CNTNAP2: variants seen among roughly 807,000 people sequenced by gnomAD.
The protein encoded by CNTNAP2 is contactin-associated protein-like 2.
A neutral mutation model predicts 155.2 loss-of-function variants in CNTNAP2; 98 were observed. That is an observed-to-expected ratio of 0.63 (90% CI 0.54 to 0.75). The LOEUF is 0.75. CNTNAP2 is among the 30% of genes least tolerant of loss of function. CNTNAP2 has a pLI of 0.00. For synonymous variants in CNTNAP2, 651 were observed against 631.2 expected, an observed-to-expected ratio of 1.03 and a Z score of -0.47; for missense variants, 1,727 against 1,688.1, an observed-to-expected ratio of 1.02 and a Z score of -0.40.
intron 20 of CNTNAP2, among the ~76,000 whole-genome samples, chr7:148,252,429 C>T (rs187341871): frequency 4.2e-4 from 64 of 152,204 alleles, no homozygotes; most frequent in African/African-American, 1.3e-3. Flanking sequence ...CTGGGATTTC[C>T]AAGGGTTCTT....
intron 11 of CNTNAP2, among the ~76,000 whole-genome samples, chr7:147,558,277 T>C (rs1458286269): frequency 6.6e-6 from 1 of 152,204 alleles, no homozygotes; most frequent in Non-Finnish European, 1.5e-5. Context: ...ATATTTCCAG[T>C]GAAGTGAGGT....
At chr7:146,885,688 C>T (rs1348033730) in intron 3 of CNTNAP2, among the ~76,000 whole-genome samples, 1 of 152,076 alleles carries the variant, frequency 6.6e-6, no homozygotes, top group Non-Finnish European at 1.5e-5. Flanking sequence ...ATTAGTTGGA[C>T]ATGGATTGAA....
chr7:147,178,915 G>T (rs2116495150), intron 8 of CNTNAP2, among the ~76,000 whole-genome samples: 1 of 152,198 alleles, frequency 6.6e-6, no homozygotes, highest in East Asian at 1.9e-4. Flanking sequence ...GTTCATTGTG[G>T]AAAGATGACT....
chr7:147,425,397 A>G (rs1027369032), intron 10 of CNTNAP2, among the ~76,000 whole-genome samples: 42 of 152,122 alleles, frequency 2.8e-4, no homozygotes, highest in African/African-American at 9.7e-4. Flanking sequence ...TGGTAAAGAA[A>G]GACTGCTCCT....
chr7:148,240,616 A>T (rs970920494), intron 20 of CNTNAP2, among the ~76,000 whole-genome samples: 3 of 152,186 alleles, frequency 2.0e-5, no homozygotes, highest in Non-Finnish European at 2.9e-5. Flanking sequence ...GCAGGACAGA[A>T]CTAATAGGAT....
At chr7:147,628,790 A>G (rs976912589) in intron 12 of CNTNAP2, among the ~76,000 whole-genome samples, 1 of 151,726 alleles carries the variant, frequency 6.6e-6, no homozygotes, top group Non-Finnish European at 1.5e-5. Context: ...AAGATATTCC[A>G]TGCAAATGGA....
chr7:146,324,777 T>TTTTATATATA (rs1554417087), intron 1 of CNTNAP2, among the ~76,000 whole-genome samples: 1 of 150,460 alleles, frequency 6.6e-6, no homozygotes, highest in African/African-American at 2.4e-5. Flanking sequence ...GGAAGAGTAA[T>TTTTATATATA]TATATATATA....
intron 4 of CNTNAP2, among the ~76,000 whole-genome samples, chr7:147,093,444 C>T (rs117708103): frequency 6.6e-6 from 1 of 151,984 alleles, no homozygotes; most frequent in Non-Finnish European, 1.5e-5. Context: ...ATAAATGCAA[C>T]GTAAACACAA....
chr7:146,959,354 A>G (rs1230889811), intron 3 of CNTNAP2, among the ~76,000 whole-genome samples: 1 of 152,118 alleles, frequency 6.6e-6, no homozygotes, highest in African/African-American at 2.4e-5. Context: ...TCTTTCTCTT[A>G]TTGGTATGAT....
intron 16 of CNTNAP2, 106 bp downstream of exon 16, chr7:148,118,394 C>T (rs950840154): frequency 7.8e-7 from 1 of 1,280,692 alleles, no homozygotes; most frequent in African/African-American, 1.5e-5. Flanking sequence ...GGAAGGTTTC[C>T]TTTGTTCCAG....
At chr7:146,892,658 C>G (rs1034937028) in intron 3 of CNTNAP2, among the ~76,000 whole-genome samples, 6 of 152,250 alleles carry the variant, frequency 3.9e-5, no homozygotes, top group Non-Finnish European at 8.8e-5. Context: ...TGCCTGTAAT[C>G]CCAGCTACTT....
intron 4 of CNTNAP2, among the ~76,000 whole-genome samples, chr7:147,079,549 C>A (rs1800073066): frequency 6.6e-6 from 1 of 151,072 alleles, no homozygotes; most frequent in African/African-American, 2.4e-5. Flanking sequence ...ACATATGTAA[C>A]AAAACTGCAT....
At chr7:146,461,412 A>AT (rs1563092955) in intron 1 of CNTNAP2, among the ~76,000 whole-genome samples, 1 of 148,658 alleles carries the variant, frequency 6.7e-6, no homozygotes, top group African/African-American at 2.6e-5. Flanking sequence ...CTCAAAAAAA[A>AT]AAAATATAAT....
At chr7:147,463,391 C>A (rs1000913493) in intron 10 of CNTNAP2, among the ~76,000 whole-genome samples, 2 of 152,140 alleles carry the variant, frequency 1.3e-5, no homozygotes, top group African/African-American at 4.8e-5. Context: ...AAACTGTTTT[C>A]TTCAACTCAG....
At chr7:147,170,744 G>T (rs1163259113) in intron 8 of CNTNAP2, among the ~76,000 whole-genome samples, 1 of 152,184 alleles carries the variant, frequency 6.6e-6, no homozygotes, top group Admixed American at 6.5e-5. Context: ...GCCGCAGGCT[G>T]CCAGAACACA....
chr7:146,876,308 G>T (rs536985550), intron 3 of CNTNAP2, among the ~76,000 whole-genome samples: 95 of 152,066 alleles, frequency 6.2e-4, no homozygotes, highest in African/African-American at 2.1e-3. Context: ...GTCCCCCAGG[G>T]CATGTTCTTT....
At chr7:148,176,240 A>C (rs1382648751) in intron 18 of CNTNAP2, among the ~76,000 whole-genome samples, 3 of 33,494 alleles carry the variant, frequency 9.0e-5, no homozygotes, top group Non-Finnish European at 1.1e-4. Flanking sequence ...TTTTTTTTTG[A>C]GATGGAGTTT....
intron 3 of CNTNAP2, among the ~76,000 whole-genome samples, chr7:146,864,609 G>A (rs1482685070): frequency 6.6e-6 from 1 of 152,062 alleles, no homozygotes; most frequent in African/African-American, 2.4e-5. Context: ...CATAAAGATT[G>A]GAATAGAAGA....
At chr7:147,631,644 T>C (rs1306759001) in intron 12 of CNTNAP2, among the ~76,000 whole-genome samples, 2 of 152,012 alleles carry the variant, frequency 1.3e-5, no homozygotes, top group Non-Finnish European at 2.9e-5. Flanking sequence ...AGTAGACCAA[T>C]GGAACAAAAT....
Sources: gnomAD v4.1 joint callset for allele counts (sites outside exome capture counted in the v4.1 genomes callset) on GRCh38, gnomAD v4.1.1 for gene constraint, MANE v1.5 for transcripts, NCBI Gene and HGNC (gene_info 2026-07-23, HGNC 2026-07-21) for gene names.